LRP8: variants seen among roughly 807,000 people sequenced by gnomAD.
The protein encoded by LRP8 is low-density lipoprotein receptor-related protein 8.
Under a neutral mutation model 111.6 loss-of-function variants are expected in LRP8, and 46 were observed. That is an observed-to-expected ratio of 0.41 (90% CI 0.33 to 0.53). LRP8 has a LOEUF of 0.53. LRP8 is among the 20% of genes least tolerant of loss of function. The pLI is 0.20. For missense variants in LRP8, 959 were observed against 1,297.4 expected (o/e 0.74, Z 4.01); for synonymous variants, 464 against 511.2 (o/e 0.91, Z 1.24).
chr1:53,267,043 C>T (rs1405231619), intron 8 of LRP8: 1 of 187,560 alleles, frequency 5.3e-6, no homozygotes, highest in African/African-American at 2.3e-5. Flanking sequence ...GGCTTCCTGC[C>T]TCAGAGCCTT....
intron 3 of LRP8, among the ~76,000 whole-genome samples, chr1:53,282,040 G>C (rs767426398): frequency 6.6e-6 from 1 of 152,186 alleles, no homozygotes; most frequent in Non-Finnish European, 1.5e-5. Flanking sequence ...GGAGGCAGTG[G>C]GCTACTCATG....
intron 6 of LRP8, among the ~76,000 whole-genome samples, chr1:53,273,178 G>C (rs1646812587): frequency 6.6e-6 from 1 of 152,172 alleles, no homozygotes; most frequent in African/African-American, 2.4e-5. Context: ...ATTCCGCTGG[G>C]GAGCCAGGAG....
chr1:53,299,506 C>A (rs1650400773), intron 2 of LRP8, among the ~76,000 whole-genome samples: 1 of 152,156 alleles, frequency 6.6e-6, no homozygotes, highest in African/African-American at 2.4e-5. Context: ...CTCCTCTGTG[C>A]TGGGCTCTGG....
chr1:53,297,397 G>A (rs1474772274), intron 2 of LRP8, among the ~76,000 whole-genome samples: 1 of 152,202 alleles, frequency 6.6e-6, no homozygotes, highest in African/African-American at 2.4e-5. Flanking sequence ...CCCAGAAGGC[G>A]AACGGTTCCC....
At position 53,242,873 on chromosome 1, in the gene LRP8, G is replaced by A. The variant is rs980264178; in HGVS notation, c.*4145C>T. On this transcript the variant is annotated 3_prime_UTR_variant, in exon 19 of 19. Transcript: ENST00000306052. ...TATATATATATACACACACACACAC[G>A]TGGCTTTTTAAAAATTACTTTTTTA... The A allele has an allele frequency of 2.9e-5, 4 of 137,744 alleles. No individual in the cohort carries two copies. Among genetic ancestry groups the A allele is most frequent in the African/African-American group, 5.3e-5 (2 of 37,906 alleles). The allele number at this position is 137,744 out of a possible 1,614,324, so 8.5% of individuals were successfully genotyped here.
intron 2 of LRP8, chr1:53,307,564 A>G (rs574443999): frequency 2.6e-5 from 4 of 152,372 alleles, no homozygotes; most frequent in African/African-American, 7.2e-5. Flanking sequence ...CCACTTGCAC[A>G]CTCAGGTGTG....
chr1:53,262,262 G>C lies in LRP8; in HGVS notation c.1775-55C>G. On this transcript the variant is annotated intron_variant, in intron 11 of 18. Transcript: ENST00000306052. The surrounding 1 kb of genome is among the most constrained non-coding windows in gnomAD (Gnocchi z 4.8). The stretch of plus-strand genomic sequence containing the variant: ...ACCTGGGACCCCAGTCTGGAGCTCT[G>C]TTCCTTTGTACCTCTCCCTGCCCAC... 6.2e-7 allele frequency: 1 copy of C among 1,606,386 alleles called. No individual in the cohort carries two copies. The highest frequency in any genetic ancestry group is 2.2e-5 in the East Asian group (1 of 44,838).
At position 53,249,067 on chromosome 1, in the gene LRP8, T is replaced by C. The variant is rs1466908507; in HGVS notation, c.2853+313A>G. Reference sequence around the variant, plus strand: ...AAAACTGGTCAAGCAACTATTTTTTTGGACTGGCCGAGGTTAAGGATCCTC... The same window carrying C: ...AAAACTGGTCAAGCAACTATTTTTTCGGACTGGCCGAGGTTAAGGATCCTC... On this transcript the variant is annotated intron_variant, in intron 18 of 18. Coordinates refer to ENST00000306052, the MANE Select transcript of LRP8 (RefSeq NM_004631.5). This position sits in a 1 kb window ranked among gnomAD's most constrained non-coding sequence, Gnocchi z 4.1. Among the ~76,000 whole-genome samples the C allele has an allele frequency of 6.6e-6, 1 of 152,220 alleles. No individual in the cohort carries two copies. Among genetic ancestry groups the C allele is most frequent in the African/African-American group, 2.4e-5 (1 of 41,454 alleles).
Position 53,280,620 on chromosome 1 carries a change from C to G in LRP8, c.463G>C (p.Glu155Gln), listed in dbSNP as rs759981018. The G allele has an allele frequency of 1.9e-6, 3 of 1,613,338 alleles. No individual in the cohort carries two copies. Among genetic ancestry groups the G allele is most frequent in the South Asian group, 1.1e-5 (1 of 91,084 alleles). The change falls in exon 4 of 19, where the codon GAG (glutamate) becomes CAG (glutamine). Residue 155 changes from glutamate to glutamine, a missense_variant. Coordinates refer to ENST00000306052, the MANE Select transcript of LRP8 (RefSeq NM_004631.5). ...CAGCCGGCCTCATCCGCTCCACCCTCGCAGTCCTTCTCCCCGTCGCAGCGC... is the reference window on the plus strand; with the variant it reads ...CAGCCGGCCTCATCCGCTCCACCCTGGCAGTCCTTCTCCCCGTCGCAGCGC... ...SWRCDGEKDCEGGADEAGCAT... is the reference protein window; with the variant it reads ...SWRCDGEKDCQGGADEAGCAT...
rs761227695 is a variant in LRP8 at position 53,262,460 on chromosome 1, T to C, written c.1760A>G (p.Asn587Ser). The C allele has an allele frequency of 1.9e-6, 3 of 1,614,130 alleles. No individual in the cohort carries two copies. Among genetic ancestry groups the C allele is most frequent in the South Asian group, 2.2e-5 (2 of 91,076 alleles). Residue 587 changes from asparagine (N) to serine (S), a missense_variant, in exon 11 of 19, where the codon AAC becomes AGC. Around this residue, in one of 3 missense-constraint regions of LRP8, gnomAD observed 819 missense variants for 1,097.6 expected, o/e 0.75. Transcript: ENST00000306052. The surrounding 1 kb of genome is among the most constrained non-coding windows in gnomAD (Gnocchi z 4.8). ...TLVSDNIEWPNGITLDLLSQR... is the reference protein window; with the variant it reads ...TLVSDNIEWPSGITLDLLSQR... ...GCAGGGCTCACCCAGGGTGATTCCG[T>C]TGGGCCATTCAATATTGTCTGACAC...
intron 13 of LRP8, among the ~76,000 whole-genome samples, chr1:53,258,794 T>G (rs754630711): frequency 2.6e-5 from 4 of 152,060 alleles, no homozygotes; most frequent in Non-Finnish European, 5.9e-5. Flanking sequence ...ATTTTTAGTC[T>G]CTAAAGTCCA....
intron 2 of LRP8, among the ~76,000 whole-genome samples, chr1:53,309,488 A>G (rs1348008205): frequency 6.6e-6 from 1 of 152,192 alleles, no homozygotes; most frequent in Non-Finnish European, 1.5e-5. Context: ...CATCCAGCCC[A>G]CATGCTGTGT....
intron 4 of LRP8, 139 bp downstream of exon 4, chr1:53,280,448 C>T (rs1382292264): frequency 2.8e-6 from 3 of 1,058,000 alleles, no homozygotes; most frequent in Non-Finnish European, 2.7e-6. Context: ...CTAGCCATTA[C>T]TAGTGTCCTG....
intron 8 of LRP8, 54 bp downstream of exon 8, chr1:53,270,974 G>A (rs1446943049): frequency 6.8e-6 from 11 of 1,612,204 alleles, no homozygotes; most frequent in African/African-American, 6.7e-5. Context: ...GTGGAAGCAC[G>A]CTGCTTCCTG....
intron 8 of LRP8, among the ~76,000 whole-genome samples, chr1:53,269,222 G>A (rs530369553): frequency 3.9e-5 from 6 of 152,216 alleles, no homozygotes; most frequent in Non-Finnish European, 5.9e-5. Flanking sequence ...GGGCTTTTGC[G>A]GTTTCTGTCT....
chr1:53,284,401 G>C (rs746087661), intron 3 of LRP8, among the ~76,000 whole-genome samples: 1 of 152,176 alleles, frequency 6.6e-6, no homozygotes. Flanking sequence ...GAGAGACCAA[G>C]TAACTAGCCC....
At chr1:53,308,835 G>A (rs1031757943) in intron 2 of LRP8, among the ~76,000 whole-genome samples, 2 of 152,198 alleles carry the variant, frequency 1.3e-5, no homozygotes, top group East Asian at 1.9e-4. Flanking sequence ...TGGCTAACAC[G>A]TGGACCTTGG....
At chr1:53,261,813 AT>A (rs1646350267) in intron 12 of LRP8, among the ~76,000 whole-genome samples, 3 of 152,316 alleles carry the variant, frequency 2.0e-5, no homozygotes. Flanking sequence ...GGAAACATAC[AT>A]GCCTAGCAGC....
rs528801146 is a variant in LRP8, at chr1:53,328,016, CCCGCCG to C, written c.-110_-105del. ...CCGCGGCGCCGGGGTTGCCGCTGCCCCCGCCGCCGCCGCCGCCGCCGCTGCCGCCCG... is the reference window on the plus strand; with the variant it reads ...CCGCGGCGCCGGGGTTGCCGCTGCCCCCGCCGCCGCCGCCGCTGCCGCCCG... On this transcript the variant is annotated 5_prime_UTR_variant, in exon 1 of 19. Transcript: ENST00000306052. 28 of 611,094 alleles carry C rather than the reference CCCGCCG, an allele frequency of 4.6e-5. No individual in the cohort carries two copies. The highest frequency in any genetic ancestry group is 1.3e-4 in the South Asian group (2 of 15,094). 37.9% of individuals were successfully genotyped at this position (611,094 alleles called of 1,614,324 possible). A position where few individuals can be genotyped will look rare whatever the true frequency, so the allele number is the denominator to read the frequency against.
Sources: allele counts gnomAD v4.1 joint callset (sites outside exome capture counted in the v4.1 genomes callset), GRCh38; gene constraint gnomAD v4.1.1; regional missense constraint gnomAD v4.1.1; non-coding constraint Gnocchi (gnomAD v3.1); transcripts MANE v1.5; gene names NCBI Gene and HGNC (gene_info 2026-07-23, HGNC 2026-07-21).